The following PCDHGB3 variants were observed in gnomAD, a reference collection of about 807,000 sequenced individuals.
PCDHGB3 encodes the protein protocadherin gamma subfamily B, 3.
Under a neutral mutation model 59.2 loss-of-function variants are expected in PCDHGB3, and 40 were observed. That is an observed-to-expected ratio of 0.68 (90% CI 0.52 to 0.88). The LOEUF is 0.88. PCDHGB3 is among the 40% of genes least tolerant of loss of function. The probability of loss-of-function intolerance (pLI) is 0.00; values close to 1 mark genes in which losing one functional copy is unlikely to be tolerated. For synonymous variants in PCDHGB3, 581 were observed against 503.6 expected (o/e 1.15, Z -2.06); for missense variants, 1,309 against 1,187.9 (o/e 1.10, Z -1.50).
intron 1 of PCDHGB3, chr5:141,373,798 T>A: frequency 3.2e-6 from 1 of 315,426 alleles, no homozygotes; most frequent in Non-Finnish European, 5.8e-6. Context: ...AATAAAATCC[T>A]CTGTGTGATA....
Position 141,428,162 on chromosome 5 carries a change from G to A in PCDHGB3, c.2415+55353G>A, listed in dbSNP as rs75153946. The A allele has an allele frequency of 9.5e-4, 1,493 of 1,569,102 alleles. 9 individuals are homozygous for A. The African/African-American group carries it at 0.016, about 16-fold the overall frequency. On this transcript the variant is annotated intron_variant, in intron 1 of 3. Coordinates refer to ENST00000576222, the MANE Select transcript of PCDHGB3 (RefSeq NM_018924.5). ...GGCTGCACACGGGAACCTGCTGGTT[G>A]CTGTGCGTGACGGAGGACAGCCGCC...
At chr5:141,375,315 A>T (rs372335399) in intron 1 of PCDHGB3, 6 of 1,613,674 alleles carry the variant, frequency 3.7e-6, no homozygotes, top group Non-Finnish European at 5.1e-6. Flanking sequence ...GCAGCTCTAG[A>T]CCGGGAAGAG....
At position 141,371,638 on chromosome 5, in the gene PCDHGB3, T is replaced by A; in HGVS notation, c.1244T>A (p.Ile415Asn). ...VTDGALDREQ[I>N]PEYNVTITAT... ...GATGGAGCCCTGGACCGGGAGCAGA[T>A]CCCAGAATACAATGTGACGATCACA... The change falls in exon 1 of 4, where the codon ATC becomes AAC. Residue 415 changes from isoleucine to asparagine, a missense_variant. Coordinates refer to ENST00000576222, the MANE Select transcript of PCDHGB3 (RefSeq NM_018924.5). 6.2e-7 allele frequency: 1 copy of A among 1,613,996 alleles called. No individual in the cohort carries two copies. Among genetic ancestry groups the A allele is most frequent in the Non-Finnish European group, 8.5e-7 (1 of 1,179,902 alleles).
In PCDHGB3 at chr5:141,395,765, C is replaced by T. The variant is rs143173330; in HGVS notation, c.2415+22956C>T. The T allele has an allele frequency of 7.5e-4, 114 of 152,628 alleles. No homozygotes were observed. The Middle Eastern group carries it at 0.03, about 41-fold the overall frequency. 9.5% of individuals were successfully genotyped at this position (152,628 alleles called of 1,614,324 possible). Reference sequence around the variant, plus strand: ...TCTTTTCTGAGCCCTGTTTCTGTACCAGTGCCCTTCAAAACTTTAATACTT... The same window carrying T: ...TCTTTTCTGAGCCCTGTTTCTGTACTAGTGCCCTTCAAAACTTTAATACTT... On this transcript the variant is annotated intron_variant, in intron 1 of 3. Coordinates refer to ENST00000576222, the MANE Select transcript of PCDHGB3 (RefSeq NM_018924.5).
chr5:141,504,078 C>T (rs1333392062), intron 2 of PCDHGB3, among the ~76,000 whole-genome samples: 1 of 152,078 alleles, frequency 6.6e-6, no homozygotes, highest in Non-Finnish European at 1.5e-5. Flanking sequence ...CCAGATGGTG[C>T]CAAACAGTTA....
chr5:141,460,075 C>T (rs2098981644), intron 1 of PCDHGB3, among the ~76,000 whole-genome samples: 2 of 151,896 alleles, frequency 1.3e-5, no homozygotes, highest in East Asian at 1.9e-4. Context: ...GAGACTTCAT[C>T]TAAAAAATAA....
intron 3 of PCDHGB3, among the ~76,000 whole-genome samples, chr5:141,509,539 A>G (rs749824780): frequency 1.3e-5 from 2 of 152,160 alleles, no homozygotes; most frequent in East Asian, 1.9e-4. Context: ...ATGAAGCACC[A>G]TCTCATTTAG....
At chr5:141,411,319 C>T (rs532552346) in intron 1 of PCDHGB3, 1 of 152,262 alleles carries the variant, frequency 6.6e-6, no homozygotes, top group South Asian at 2.1e-4. Flanking sequence ...CCTATAATCA[C>T]AGCACTTTGA....
intron 1 of PCDHGB3, chr5:141,424,513 T>C (rs1339689551): frequency 6.6e-6 from 1 of 152,224 alleles, no homozygotes; most frequent in Non-Finnish European, 1.5e-5. Context: ...GGTTTTTTAA[T>C]GTAGTAAATC....
chr5:141,507,609 A>G (rs2099862010), intron 3 of PCDHGB3, among the ~76,000 whole-genome samples: 1 of 152,260 alleles, frequency 6.6e-6, no homozygotes, highest in Non-Finnish European at 1.5e-5. Context: ...ATAAACAGGT[A>G]TATTTAGCTG....
At chr5:141,461,291 C>A (rs892436619) in intron 1 of PCDHGB3, among the ~76,000 whole-genome samples, 1 of 152,128 alleles carries the variant, frequency 6.6e-6, no homozygotes, top group African/African-American at 2.4e-5. Flanking sequence ...CACATCCACA[C>A]CAACATCTAT....
intron 1 of PCDHGB3, among the ~76,000 whole-genome samples, chr5:141,468,952 G>GTT (rs34870721): frequency 3.3e-5 from 5 of 151,198 alleles, no homozygotes; most frequent in Admixed American, 6.6e-5. Flanking sequence ...TAAACCTGTG[G>GTT]TTTTTTTTAC....
rs1461837957 is a variant in PCDHGB3, at chr5:141,432,613, G to C, written c.2415+59804G>C. The C allele has an allele frequency of 6.2e-7, 1 of 1,613,946 alleles. No homozygotes were observed. The highest frequency in any genetic ancestry group is 1.3e-5 in the African/African-American group (1 of 75,056). On this transcript the variant is annotated intron_variant, in intron 1 of 3. Coordinates refer to ENST00000576222, the MANE Select transcript of PCDHGB3 (RefSeq NM_018924.5). The surrounding 1 kb of genome is among the most constrained non-coding windows in gnomAD (Gnocchi z 6.0). ...AGGCCAGCGAGCCGGGACTCTTCTC[G>C]GTGGGTCTGCACACGGGCGAGGTGC...
Position 141,477,447 on chromosome 5 carries a change from G to T in PCDHGB3, c.2416-17360G>T, listed in dbSNP as rs779097830. The T allele has an allele frequency of 6.2e-7, 1 of 1,614,098 alleles. No homozygotes were observed. Among genetic ancestry groups the T allele is most frequent in the Non-Finnish European group, 8.5e-7 (1 of 1,180,016 alleles). ...TCCCTCTCAGCCCTTACAATAGTGCGTGTTCAAGTGTCCGACATCAATGAC... is the reference window on the plus strand; with the variant it reads ...TCCCTCTCAGCCCTTACAATAGTGCTTGTTCAAGTGTCCGACATCAATGAC... On this transcript the variant is annotated intron_variant, in intron 1 of 3. Coordinates refer to ENST00000576222, the MANE Select transcript of PCDHGB3 (RefSeq NM_018924.5). This position sits in a 1 kb window ranked among gnomAD's most constrained non-coding sequence, Gnocchi z 4.9.
At chr5:141,374,111 C>G (rs1169979924) in intron 1 of PCDHGB3, 3 of 1,576,926 alleles carry the variant, frequency 1.9e-6, no homozygotes, top group African/African-American at 1.4e-5. Context: ...GCATCCGCAG[C>G]GCAGCGAGCA....
At chr5:141,427,228 T>C (rs2097002884) in intron 1 of PCDHGB3, 1 of 456,550 alleles carries the variant, frequency 2.2e-6, no homozygotes, top group South Asian at 1.5e-5. Context: ...AGTTATACCA[T>C]GAGAGTAGAA....
rs369323252 is a variant in PCDHGB3 at position 141,487,658 on chromosome 5, G to T, written c.2416-7149G>T. ...TCAACAAATGCTTGAGGGTTATTCT[G>T]ATCCAGGCATATGGCTAGGCCATGT... On this transcript the variant is annotated intron_variant, in intron 1 of 3. Coordinates refer to ENST00000576222, the MANE Select transcript of PCDHGB3 (RefSeq NM_018924.5). This position sits in a 1 kb window ranked among gnomAD's most constrained non-coding sequence, Gnocchi z 5.0. The T allele has an allele frequency of 8.7e-5, 140 of 1,613,508 alleles. No individual in the cohort carries two copies. The highest frequency in any genetic ancestry group is 1.1e-4 in the Non-Finnish European group (134 of 1,179,802).
intron 2 of PCDHGB3, 103 bp from the exon 3 acceptor site, chr5:141,505,290 G>A: frequency 3.2e-6 from 5 of 1,564,680 alleles, no homozygotes; most frequent in Non-Finnish European, 4.3e-6. Context: ...TTGGGCATGG[G>A]GTAGGGTTAG....
chr5:141,417,704 A>G, intron 1 of PCDHGB3: 2 of 1,207,460 alleles, frequency 1.7e-6, no homozygotes, highest in Non-Finnish European at 1.1e-6. Context: ...GCTCCCACAC[A>G]GAGGCTCCCG....
Sources: gnomAD v4.1 joint callset for allele counts (sites outside exome capture counted in the v4.1 genomes callset) on GRCh38, gnomAD v4.1.1 for gene constraint, Gnocchi (gnomAD v3.1) non-coding constraint, MANE v1.5 for transcripts, NCBI Gene and HGNC (gene_info 2026-07-23, HGNC 2026-07-21) for gene names.